Variants in HS3ST4 observed in about 807,000 individuals in gnomAD.
HS3ST4 encodes the protein heparan sulfate-glucosamine 3-sulfotransferase 4.
Under a neutral mutation model 29.2 loss-of-function variants are expected in HS3ST4, and 17 were observed. The observed-to-expected ratio is 0.58, with a 90% CI of 0.40 to 0.87. HS3ST4 has a LOEUF of 0.87. HS3ST4 is among the 40% of genes least tolerant of loss of function. The pLI, the probability that HS3ST4 is intolerant of heterozygous loss-of-function variation, is 0.00. For synonymous variants in HS3ST4, 314 were observed against 285.7 expected, an observed-to-expected ratio of 1.10 and a Z score of -1.00; for missense variants, 627 against 634.5, an observed-to-expected ratio of 0.99 and a Z score of 0.13.
chr16:25,981,814 G>C lies in HS3ST4; in HGVS notation c.735-153798G>C, dbSNP rs1003315095. On this transcript the variant is annotated intron_variant, in intron 1 of 1. Coordinates refer to ENST00000331351, the MANE Select transcript of HS3ST4 (RefSeq NM_006040.3). ...GTTAAATGAACTGCTTGATCTTGGA[G>C]ACTCAATCTCTTATTGGTAGAATGG... 3.3e-5 allele frequency among the ~76,000 whole-genome samples: 5 copies of C among 152,128 alleles called. No individual in the cohort carries two copies. The South Asian group carries it at 1.0e-3, about 32-fold the overall frequency.
chr16:25,767,931 G>C (rs922770557), intron 1 of HS3ST4, among the ~76,000 whole-genome samples: 11 of 152,184 alleles, frequency 7.2e-5, no homozygotes, highest in Admixed American at 7.2e-4. Flanking sequence ...CCCTGGCACT[G>C]TGCCACCCCT....
At chr16:25,808,589 A>G (rs970907543) in intron 1 of HS3ST4, among the ~76,000 whole-genome samples, 2 of 152,146 alleles carry the variant, frequency 1.3e-5, no homozygotes, top group Non-Finnish European at 2.9e-5. Flanking sequence ...TGTTTTAAAC[A>G]TTCTAGGGCC....
intron 1 of HS3ST4, among the ~76,000 whole-genome samples, chr16:25,878,832 A>AT (rs1317378656): frequency 6.6e-6 from 1 of 152,180 alleles, no homozygotes; most frequent in Non-Finnish European, 1.5e-5. Context: ...CAAACCTTCG[A>AT]TAAAAATACC....
intron 1 of HS3ST4, among the ~76,000 whole-genome samples, chr16:25,930,519 G>A (rs1025103282): frequency 9.9e-5 from 15 of 152,124 alleles, no homozygotes; most frequent in African/African-American, 3.4e-4. Flanking sequence ...ACAGACACCC[G>A]TTCAAGCACT....
intron 1 of HS3ST4, among the ~76,000 whole-genome samples, chr16:25,953,350 C>G (rs1968699667): frequency 6.6e-6 from 1 of 152,210 alleles, no homozygotes; most frequent in Non-Finnish European, 1.5e-5. Context: ...ATTTCTTGAA[C>G]AGTGACAAGC....
chr16:25,741,365 T>TAAAAAAAAAAAAAAAAAAA, intron 1 of HS3ST4, among the ~76,000 whole-genome samples: 1 of 66,186 alleles, frequency 1.5e-5, no homozygotes, highest in Non-Finnish European at 2.6e-5. Context: ...GAATTCAAGG[T>TAAAAAAAAAAAAAAAAAAA]AAAAAAAAAA....
At chr16:26,120,073 G>GTGTGTGTGTGTGTA (rs1555485138) in intron 1 of HS3ST4, among the ~76,000 whole-genome samples, 16 of 102,564 alleles carry the variant, frequency 1.6e-4, no homozygotes, top group African/African-American at 4.4e-4. Flanking sequence ...GTGTGTGTAT[G>GTGTGTGTGTGTGTA]TGTGTGTGTG....
chr16:25,981,464 T>A (rs930440953), intron 1 of HS3ST4, among the ~76,000 whole-genome samples: 2 of 152,092 alleles, frequency 1.3e-5, no homozygotes, highest in African/African-American at 4.8e-5. Context: ...GGCCCCAAGA[T>A]GACAAAGCAT....
At chr16:26,014,040 A>AAATAAATAAAAC (rs1339897660) in intron 1 of HS3ST4, among the ~76,000 whole-genome samples, 1 of 151,658 alleles carries the variant, frequency 6.6e-6, no homozygotes, top group Admixed American at 6.6e-5. Context: ...ATAAATAAAT[A>AAATAAATAAAAC]AAACAAAAAT....
chr16:25,838,347 T>G (rs1011701771), intron 1 of HS3ST4, among the ~76,000 whole-genome samples: 22 of 152,206 alleles, frequency 1.4e-4, no homozygotes, highest in African/African-American at 5.3e-4. Context: ...TTGCATGCTC[T>G]CTCTCTCTTT....
At chr16:26,043,235 G>C (rs182259547) in intron 1 of HS3ST4, among the ~76,000 whole-genome samples, 1 of 152,168 alleles carries the variant, frequency 6.6e-6, no homozygotes, top group Non-Finnish European at 1.5e-5. Context: ...GTATGGTAAA[G>C]CAACTTTACA....
intron 1 of HS3ST4, among the ~76,000 whole-genome samples, chr16:25,857,682 G>A (rs898061649): frequency 4.0e-5 from 6 of 151,810 alleles, no homozygotes; most frequent in Non-Finnish European, 8.8e-5. Flanking sequence ...TGCCTGGGTT[G>A]GTATCATTTT....
chr16:25,918,858 T>C (rs1412319630), intron 1 of HS3ST4, among the ~76,000 whole-genome samples: 2 of 152,050 alleles, frequency 1.3e-5, no homozygotes, highest in Admixed American at 1.3e-4. Flanking sequence ...CCATATGCCT[T>C]GTAGGGGTCA....
chr16:26,119,026 T>G (rs1426641179), intron 1 of HS3ST4, among the ~76,000 whole-genome samples: 5 of 152,226 alleles, frequency 3.3e-5, no homozygotes, highest in Non-Finnish European at 1.5e-5. Context: ...CTCACAATAA[T>G]AGTATCAATG....
intron 1 of HS3ST4, among the ~76,000 whole-genome samples, chr16:25,814,570 G>A (rs371933571): frequency 6.6e-6 from 1 of 152,114 alleles, no homozygotes; most frequent in South Asian, 2.1e-4. Context: ...TGGTCTGGAA[G>A]TCCTGACCTT....
At chr16:25,797,078 T>C (rs1465328504) in intron 1 of HS3ST4, among the ~76,000 whole-genome samples, 3 of 152,178 alleles carry the variant, frequency 2.0e-5, no homozygotes, top group African/African-American at 7.2e-5. Flanking sequence ...AAACGAGAAT[T>C]ATTGTCTTCA....
chr16:25,750,493 T>G (rs1966711961), intron 1 of HS3ST4, among the ~76,000 whole-genome samples: 1 of 152,184 alleles, frequency 6.6e-6, no homozygotes, highest in Admixed American at 6.5e-5. Context: ...CTGTTAGACC[T>G]GATGCTACCT....
intron 1 of HS3ST4, among the ~76,000 whole-genome samples, chr16:25,769,174 C>T (rs1425326447): frequency 1.3e-5 from 2 of 152,058 alleles, no homozygotes; most frequent in African/African-American, 4.8e-5. Flanking sequence ...CAAAGTCAGG[C>T]CTGCTGGAAT....
chr16:25,943,457 A>G (rs961912542), intron 1 of HS3ST4, among the ~76,000 whole-genome samples: 13 of 152,338 alleles, frequency 8.5e-5, no homozygotes, highest in African/African-American at 3.1e-4. Context: ...AAAAAGTCTC[A>G]TATGGCAAAT....
Sources: gnomAD v4.1 joint callset for allele counts (sites outside exome capture counted in the v4.1 genomes callset) on GRCh38, gnomAD v4.1.1 for gene constraint, MANE v1.5 for transcripts, NCBI Gene and HGNC (gene_info 2026-07-23, HGNC 2026-07-21) for gene names.